The following PEX2 variants were observed in gnomAD, a reference collection of about 807,000 sequenced individuals.
PEX2 encodes the protein peroxisome biogenesis factor 2.
In PEX2, 19 loss-of-function variants were observed where a neutral mutation model predicts 25.2. That is an observed-to-expected ratio of 0.75 (90% CI 0.53 to 1.10). The LOEUF (loss-of-function observed/expected upper bound fraction) is 1.10. Among genes scored for constraint, PEX2 ranks in the 50% least tolerant of loss-of-function variants. The pLI is 0.00. For synonymous variants in PEX2, 141 were observed against 127.7 expected (o/e 1.10, Z -0.70); for missense variants, 347 against 350.6 (o/e 0.99, Z 0.08).
intron 1 of PEX2, among the ~76,000 whole-genome samples, chr8:76,999,564 CA>C (rs1372642333): frequency 1.3e-5 from 2 of 151,986 alleles, no homozygotes; most frequent in African/African-American, 4.8e-5. Context: ...ACTAAGCACT[CA>C]AATTTTTTGT....
chr8:76,984,085 G>A lies in PEX2; in HGVS notation c.94C>T (p.Leu32=), dbSNP rs200551056. Residue 32 remains leucine (L), a synonymous_variant, in exon 4 of 4, where the codon CTA becomes TTA. Transcript: ENST00000357039. The part of the protein sequence containing the change: ...ALELNKALEQ[L]VWSQFTQCFH... ...CACTGAGTAAACTGGGACCAAACTAGCTGCTCCAGGGCCTTGTTTAGTTCA... is the reference window on the plus strand; with the variant it reads ...CACTGAGTAAACTGGGACCAAACTAACTGCTCCAGGGCCTTGTTTAGTTCA... The A allele has an allele frequency of 3.1e-6, 5 of 1,612,376 alleles. No individual in the cohort carries two copies. The East Asian group carries it at 1.1e-4, about 36-fold the overall frequency.
At chr8:76,988,554 G>A (rs1486344826) in intron 1 of PEX2, among the ~76,000 whole-genome samples, 1 of 152,178 alleles carries the variant, frequency 6.6e-6, no homozygotes, top group Admixed American at 6.5e-5. Flanking sequence ...CTTTTTGATA[G>A]TGGAGGGTCC....
intron 1 of PEX2, among the ~76,000 whole-genome samples, chr8:76,997,084 T>C (rs1156980672): frequency 1.3e-5 from 2 of 152,186 alleles, no homozygotes; most frequent in South Asian, 2.1e-4. Flanking sequence ...GTCAGGACTG[T>C]AGATGGGGAA....
intron 2 of PEX2, chr8:76,986,634 T>C (rs2132048011): frequency 6.6e-6 from 1 of 152,330 alleles, no homozygotes; most frequent in African/African-American, 2.4e-5. Flanking sequence ...ACCAGTAGAC[T>C]TCACTGTCTG....
Position 76,983,307 on chromosome 8 carries a change from T to C in PEX2, c.872A>G (p.Gln291Arg). ...PKCGTEVHSL[Q>R]PLKSGIEMSE... ...CATCTCGATTCCTGATTTCAGTGGC[T>C]GCAGACTGTGTACTTCTGTGCCACA... The change falls in exon 4 of 4, where the codon CAG (glutamine) becomes CGG (arginine). Residue 291 changes from glutamine to arginine, a missense_variant. Physicochemically the swap from Gln to Arg is conservative, Grantham distance 43 (BLOSUM62 1). Coordinates refer to ENST00000357039, the MANE Select transcript of PEX2 (RefSeq NM_000318.3). 1 of 1,613,984 alleles carries C rather than the reference T, an allele frequency of 6.2e-7. No individual in the cohort carries two copies. The highest frequency in any genetic ancestry group is 8.5e-7 in the Non-Finnish European group (1 of 1,180,026).
chr8:76,983,115 T>A lies in PEX2; in HGVS notation c.*146A>T. ...TTAGAATCACATGGTTTCCAGTGAT[T>A]AGATTTCAGTCATGCCTGGAAAGGA... On this transcript the variant is annotated 3_prime_UTR_variant, in exon 4 of 4. Transcript: ENST00000357039. The A allele has an allele frequency of 2.0e-6, 3 of 1,516,016 alleles. No homozygotes were observed. Among genetic ancestry groups the A allele is most frequent in the Middle Eastern group, 2.4e-4 (1 of 4,168 alleles). The allele number at this position is 1,516,016 out of a possible 1,614,324, so 93.9% of individuals were successfully genotyped here.
intron 1 of PEX2, among the ~76,000 whole-genome samples, 180 bp from the exon 2 acceptor site, chr8:76,988,518 C>A (rs1189009058): frequency 3.3e-5 from 5 of 152,164 alleles, no homozygotes; most frequent in Admixed American, 3.3e-4. Flanking sequence ...TGCTAACAAC[C>A]ATCTGAGCCT....
intron 1 of PEX2, among the ~76,000 whole-genome samples, chr8:76,998,352 G>A (rs546002787): frequency 2.8e-4 from 42 of 152,242 alleles, no homozygotes; most frequent in African/African-American, 9.6e-4. Context: ...GAATCATTAT[G>A]TGCATCAAAT....
At chr8:76,992,583 C>T (rs1221813783) in intron 1 of PEX2, among the ~76,000 whole-genome samples, 2 of 152,026 alleles carry the variant, frequency 1.3e-5, no homozygotes, top group African/African-American at 4.8e-5. Context: ...TACAGCAGTA[C>T]AACAAGATTT....
chr8:76,983,824 G>C lies in PEX2; in HGVS notation c.355C>G (p.Arg119Gly), dbSNP rs61752123. 1.2e-6 allele frequency: 2 copies of C among 1,614,056 alleles called. No homozygotes were observed. Among genetic ancestry groups the C allele is most frequent in the Non-Finnish European group, 1.7e-6 (2 of 1,180,002 alleles). ...TGGTTTCGAAACAAATCATAGCATC[G>C]TTCTTCTAACCACCTGCCACCAATT... ...CTIGGRWLEE[R>G]CYDLFRNHHL... Residue 119 changes from arginine to glycine, a missense_variant, in exon 4 of 4, where the codon CGA (arginine) becomes GGA (glycine). Transcript: ENST00000357039.
chr8:76,987,033 A>G (rs984030705), intron 2 of PEX2, among the ~76,000 whole-genome samples: 1 of 152,138 alleles, frequency 6.6e-6, no homozygotes, highest in Non-Finnish European at 1.5e-5. Context: ...ACCCTTTAAA[A>G]CTATTTCAAA....
intron 2 of PEX2, among the ~76,000 whole-genome samples, chr8:76,987,554 G>T (rs1807043132): frequency 6.6e-6 from 1 of 152,148 alleles, no homozygotes; most frequent in Non-Finnish European, 1.5e-5. Context: ...TAACTAGTAA[G>T]ATTTACATTT....
Position 76,981,081 on chromosome 8 carries a change from T to C in PEX2, c.*2180A>G, listed in dbSNP as rs954428336. On this transcript the variant is annotated 3_prime_UTR_variant, in exon 4 of 4. Coordinates refer to ENST00000357039, the MANE Select transcript of PEX2 (RefSeq NM_000318.3). Reference sequence around the variant, plus strand: ...AATGAACTCAGATTCAACATTGCATTATTCACAACAGAAAGTGAAAAGAAC... The same window carrying C: ...AATGAACTCAGATTCAACATTGCATCATTCACAACAGAAAGTGAAAAGAAC... 6.6e-6 allele frequency: 1 copy of C among 152,244 alleles called. No homozygotes were observed. Among genetic ancestry groups the C allele is most frequent in the Non-Finnish European group, 1.5e-5 (1 of 68,048 alleles). 9.4% of individuals were successfully genotyped at this position (152,244 alleles called of 1,614,324 possible).
intron 1 of PEX2, among the ~76,000 whole-genome samples, chr8:76,997,517 T>C (rs1184177229): frequency 6.6e-6 from 1 of 152,096 alleles, no homozygotes; most frequent in Non-Finnish European, 1.5e-5. Context: ...TACAGTGAGC[T>C]GAGACTGTGC....
At chr8:76,994,424 T>G (rs950997070) in intron 1 of PEX2, among the ~76,000 whole-genome samples, 1 of 152,194 alleles carries the variant, frequency 6.6e-6, no homozygotes, top group African/African-American at 2.4e-5. Flanking sequence ...GTCAAGGGCC[T>G]GTCAATATTA....
chr8:76,998,949 T>C (rs905843281), intron 1 of PEX2, among the ~76,000 whole-genome samples: 1 of 145,284 alleles, frequency 6.9e-6, no homozygotes, highest in Admixed American at 6.9e-5. Flanking sequence ...CTATGTCCTG[T>C]TACTTCTATT....
intron 1 of PEX2, among the ~76,000 whole-genome samples, chr8:76,996,679 A>C (rs1196156435): frequency 1.3e-5 from 2 of 152,252 alleles, no homozygotes; most frequent in East Asian, 3.8e-4. Context: ...TGCACATTTT[A>C]TGGTACAAGA....
At chr8:76,984,367 T>C (rs1400096713) in intron 3 of PEX2, among the ~76,000 whole-genome samples, 172 bp from the exon 4 acceptor site, 2 of 152,206 alleles carry the variant, frequency 1.3e-5, no homozygotes, top group Non-Finnish European at 2.9e-5. Context: ...GAAACTTCTG[T>C]CTCGTCTCTC....
At chr8:76,995,486 G>A (rs1488960230) in intron 1 of PEX2, among the ~76,000 whole-genome samples, 1 of 152,002 alleles carries the variant, frequency 6.6e-6, no homozygotes, top group Non-Finnish European at 1.5e-5. Flanking sequence ...CTAGAAGAGG[G>A]GAAAATATCT....
Sources: gnomAD v4.1 joint callset for allele counts (sites outside exome capture counted in the v4.1 genomes callset) on GRCh38, gnomAD v4.1.1 for gene constraint, MANE v1.5 for transcripts, NCBI Gene and HGNC (gene_info 2026-07-23, HGNC 2026-07-21) for gene names.